The following GRID1 variants were observed in gnomAD, a reference collection of about 807,000 sequenced individuals.
GRID1 encodes the protein glutamate ionotropic receptor delta type subunit 1, also known as glutamate receptor ionotropic, delta-1.
A neutral mutation model predicts 98.0 loss-of-function variants in GRID1; 28 were observed. The observed-to-expected ratio is 0.29, with a 90% confidence interval of 0.21 to 0.39. The LOEUF (loss-of-function observed/expected upper bound fraction) is 0.39. Ranked by LOEUF, GRID1 falls within the 10% of genes least tolerant of loss-of-function variation. The pLI is 1.00. For synonymous variants in GRID1, 553 were observed against 538.5 expected, an observed-to-expected ratio of 1.03 and a Z score of -0.37; for missense variants, 1,111 against 1,340.5, an observed-to-expected ratio of 0.83 and a Z score of 2.67.
chr10:85,924,964 G>T (rs2131829180), intron 4 of GRID1, among the ~76,000 whole-genome samples: 1 of 152,336 alleles, frequency 6.6e-6, no homozygotes, highest in African/African-American at 2.4e-5. Context: ...CCAGGGCTGT[G>T]CAGGGAGTGC....
At chr10:85,948,902 A>G (rs1425040339) in intron 4 of GRID1, among the ~76,000 whole-genome samples, 3 of 152,234 alleles carry the variant, frequency 2.0e-5, no homozygotes, top group Non-Finnish European at 4.4e-5. Context: ...ACGATATTTC[A>G]TTGTTGTCTG....
intron 4 of GRID1, among the ~76,000 whole-genome samples, chr10:85,929,980 A>G (rs989352751): frequency 6.6e-6 from 1 of 152,176 alleles, no homozygotes; most frequent in Non-Finnish European, 1.5e-5. Context: ...CTGTATCACA[A>G]TTTGTAAATT....
chr10:86,128,844 G>A (rs139610582), intron 4 of GRID1, among the ~76,000 whole-genome samples: 224 of 152,296 alleles, frequency 1.5e-3, no homozygotes, highest in African/African-American at 5.0e-3. Flanking sequence ...CAGTCACTGG[G>A]CATGTTCTGG....
At position 86,365,286 on chromosome 10, in the gene GRID1, C is replaced by G. The variant is rs1048638897; in HGVS notation, c.79+1028G>C. ...GTCCCGTCCTCCTCGCCTTCAACAC[C>G]TCCCAACCCCCAGTTTCCCTGTGCT... On this transcript the variant is annotated intron_variant, in intron 1 of 15. Transcript: ENST00000327946. The surrounding 1 kb of genome is among the most constrained non-coding windows in gnomAD (Gnocchi z 4.8). 6.6e-6 allele frequency among the ~76,000 whole-genome samples: 1 copy of G among 151,958 alleles called. No individual in the cohort carries two copies. The highest frequency in any genetic ancestry group is 1.5e-5 in the Non-Finnish European group (1 of 67,972).
chr10:85,892,216 C>T lies in GRID1; in HGVS notation c.781-23036G>A, dbSNP rs866494442. On this transcript the variant is annotated intron_variant, in intron 5 of 15. Transcript: ENST00000327946. Reference sequence around the variant, plus strand: ...ATGAATCATGGAGATAAAAAAAAAACAAAAAAAAAAACAGGAAAAAGATCA... The same window carrying T: ...ATGAATCATGGAGATAAAAAAAAAATAAAAAAAAAAACAGGAAAAAGATCA... Among the ~76,000 whole-genome samples, 11 of 123,750 alleles carry T rather than the reference C, an allele frequency of 8.9e-5. No homozygotes were observed. The East Asian group carries it at 2.3e-3, about 26-fold the overall frequency. 81.2% of individuals were successfully genotyped at this position (123,750 alleles called of 152,430 possible). A position where few individuals can be genotyped will look rare whatever the true frequency, so the allele number is the denominator to read the frequency against.
At chr10:85,773,561 A>T (rs982482445) in intron 8 of GRID1, among the ~76,000 whole-genome samples, 1 of 152,212 alleles carries the variant, frequency 6.6e-6, no homozygotes, top group African/African-American at 2.4e-5. Flanking sequence ...ACATGATTGT[A>T]TATCTAGAAA....
At position 86,351,763 on chromosome 10, in the gene GRID1, C is replaced by T. The variant is rs1848465534; in HGVS notation, c.235+12178G>A. Reference sequence around the variant, plus strand: ...GCAGAGCATCCAGAACAAGCAGTGACCATCCCCATCCCTCTGCACTGGCCA... The same window carrying T: ...GCAGAGCATCCAGAACAAGCAGTGATCATCCCCATCCCTCTGCACTGGCCA... On this transcript the variant is annotated intron_variant, in intron 2 of 15. Coordinates refer to ENST00000327946, the MANE Select transcript of GRID1 (RefSeq NM_017551.3). 2.0e-5 allele frequency among the ~76,000 whole-genome samples: 3 copies of T among 152,316 alleles called. No homozygotes were observed. In the South Asian group the frequency reaches 6.2e-4, roughly 32 times the overall value.
At chr10:86,039,603 A>C (rs1391376403) in intron 4 of GRID1, among the ~76,000 whole-genome samples, 1 of 152,010 alleles carries the variant, frequency 6.6e-6, no homozygotes, top group African/African-American at 2.4e-5. Context: ...GGCTCACCTA[A>C]CTCTAGTGGT....
intron 4 of GRID1, among the ~76,000 whole-genome samples, chr10:86,020,030 C>T (rs150800261): frequency 9.3e-4 from 142 of 152,344 alleles, no homozygotes; most frequent in African/African-American, 3.2e-3. Context: ...CCATGACAGA[C>T]GTCATATATC....
intron 4 of GRID1, among the ~76,000 whole-genome samples, chr10:86,120,716 G>C (rs1437355155): frequency 6.6e-6 from 1 of 152,180 alleles, no homozygotes; most frequent in Non-Finnish European, 1.5e-5. Flanking sequence ...AATAATTAAT[G>C]TCAAGGTATT....
At chr10:85,750,352 T>C (rs1036913762) in intron 8 of GRID1, among the ~76,000 whole-genome samples, 3 of 152,174 alleles carry the variant, frequency 2.0e-5, no homozygotes, top group Non-Finnish European at 4.4e-5. Context: ...TCAGCTGTGA[T>C]TGGCTGAAAG....
At chr10:86,141,124 A>G (rs1047470803) in intron 3 of GRID1, among the ~76,000 whole-genome samples, 3 of 152,020 alleles carry the variant, frequency 2.0e-5, no homozygotes, top group Non-Finnish European at 4.4e-5. Flanking sequence ...CAGGGCCGAG[A>G]TGAAGTGGCC....
intron 5 of GRID1, among the ~76,000 whole-genome samples, chr10:85,911,514 C>T (rs963213750): frequency 4.6e-5 from 7 of 152,136 alleles, no homozygotes; most frequent in Admixed American, 1.3e-4. Flanking sequence ...TCCTCCTGGC[C>T]GCTGCTGACC....
At chr10:85,907,228 C>T (rs1230474858) in intron 5 of GRID1, among the ~76,000 whole-genome samples, 1 of 152,192 alleles carries the variant, frequency 6.6e-6, no homozygotes, top group Non-Finnish European at 1.5e-5. Context: ...TCTAATGTCT[C>T]AGTCTCCAAA....
rs866896006 is a variant in GRID1 at position 85,681,215 on chromosome 10, C to T, written c.1998-33818G>A. On this transcript the variant is annotated intron_variant, in intron 12 of 15. Coordinates refer to ENST00000327946, the MANE Select transcript of GRID1 (RefSeq NM_017551.3). ...GCCCAATCTCATGTTCAAGTTGGCT[C>T]CCCCCATGAGCCCTGTTCTCCACCT... Among the ~76,000 whole-genome samples, 6 of 152,064 alleles carry T rather than the reference C, an allele frequency of 3.9e-5. No homozygotes were observed. The East Asian group carries it at 7.8e-4, about 20-fold the overall frequency.
chr10:85,888,183 C>A (rs923141322), intron 5 of GRID1, among the ~76,000 whole-genome samples: 3 of 152,230 alleles, frequency 2.0e-5, no homozygotes, highest in African/African-American at 7.2e-5. Context: ...GCAATAGCTT[C>A]TGCTCACTGT....
intron 12 of GRID1, among the ~76,000 whole-genome samples, chr10:85,650,519 C>T (rs893713217): frequency 2.6e-5 from 4 of 152,134 alleles, no homozygotes; most frequent in African/African-American, 9.7e-5. Flanking sequence ...AGGCACAGTG[C>T]ACACCAAGCA....
At chr10:85,942,532 T>A (rs1197796821) in intron 4 of GRID1, among the ~76,000 whole-genome samples, 4 of 152,142 alleles carry the variant, frequency 2.6e-5, no homozygotes, top group Non-Finnish European at 5.9e-5. Context: ...CCCAGCTTCC[T>A]CTCCTTCCTG....
rs555345878 is a variant in GRID1 at position 86,172,793 on chromosome 10, C to T, written c.520+33571G>A. Among the ~76,000 whole-genome samples, 38 of 152,202 alleles carry T rather than the reference C, an allele frequency of 2.5e-4. No homozygotes were observed. In the South Asian group the frequency reaches 7.9e-3, roughly 32 times the overall value. On this transcript the variant is annotated intron_variant, in intron 3 of 15. Transcript: ENST00000327946. ...AGGCCGTAAAACCTAAAATAAAAAGCACACAAGATTCCTGTATAACTAAGA... is the reference window on the plus strand; with the variant it reads ...AGGCCGTAAAACCTAAAATAAAAAGTACACAAGATTCCTGTATAACTAAGA...
Sources: gnomAD v4.1 joint callset for allele counts (sites outside exome capture counted in the v4.1 genomes callset) on GRCh38, gnomAD v4.1.1 for gene constraint, Gnocchi (gnomAD v3.1) non-coding constraint, MANE v1.5 for transcripts, NCBI Gene and HGNC (gene_info 2026-07-23, HGNC 2026-07-21) for gene names.